Variants in SNRPN observed in about 807,000 individuals in gnomAD.
SNRPN encodes small nuclear ribonucleoprotein-associated protein N.
A neutral mutation model predicts 25.2 loss-of-function variants in SNRPN; 7 were observed. The ratio of observed to expected loss-of-function variants is 0.28; its 90% CI spans 0.16 to 0.52. The LOEUF (loss-of-function observed/expected upper bound fraction) is 0.52. SNRPN is among the 20% of genes least tolerant of loss of function. The pLI is 0.96. For missense variants in SNRPN, 196 were observed against 322.5 expected (o/e 0.61, Z 3.00); for synonymous variants, 124 against 110.6 (o/e 1.12, Z -0.76).
intron 3 of SNRPN, among the ~76,000 whole-genome samples, 185 bp from the exon 4 acceptor site, chr15:24,974,126 G>A (rs547019881): frequency 6.6e-6 from 1 of 152,330 alleles, no homozygotes; most frequent in East Asian, 1.9e-4. Flanking sequence ...TCAGTCCTAA[G>A]TGTGTCAAAT....
chr15:24,833,947 A>G lies in SNRPN; in HGVS notation c.-579+4042A>G, dbSNP rs909210066. On this transcript the variant is annotated intron_variant, in intron 2 of 12. Transcript: ENST00000400100. ...TTTCTTTATTTTATTTTATTTTCAGATGGAGTCTCACTCTGTTGCCCAGGC... is the reference window on the plus strand; with the variant it reads ...TTTCTTTATTTTATTTTATTTTCAGGTGGAGTCTCACTCTGTTGCCCAGGC... 1.1e-4 allele frequency among the ~76,000 whole-genome samples: 16 copies of G among 152,164 alleles called. 1 individual carries two copies. The highest frequency in any genetic ancestry group is 3.9e-4 in the African/African-American group (16 of 41,450).
chr15:24,885,668 G>A (rs1311895959), intron 1 of SNRPN, among the ~76,000 whole-genome samples: 2 of 151,844 alleles, frequency 1.3e-5, no homozygotes, highest in African/African-American at 4.8e-5. Flanking sequence ...CCAGTGGAGA[G>A]AGCAGAGGCT....
intron 2 of SNRPN, among the ~76,000 whole-genome samples, chr15:24,840,823 G>A (rs1338900489): frequency 6.6e-6 from 1 of 152,150 alleles, no homozygotes; most frequent in Non-Finnish European, 1.5e-5. Context: ...AAACTGGGCT[G>A]TTACATTGTG....
intron 1 of SNRPN, among the ~76,000 whole-genome samples, chr15:24,879,014 A>G (rs1328159710): frequency 6.6e-6 from 1 of 151,946 alleles, no homozygotes; most frequent in Non-Finnish European, 1.5e-5. Context: ...TTGAATTTTC[A>G]AAAATATATT....
chr15:24,847,736 T>C (rs2052334530), intron 2 of SNRPN, among the ~76,000 whole-genome samples: 1 of 152,210 alleles, frequency 6.6e-6, no homozygotes, highest in African/African-American at 2.4e-5. Flanking sequence ...ATGCCCACTT[T>C]TCCTGTCATT....
At chr15:24,942,984 C>T (rs2061648158) in intron 3 of SNRPN, among the ~76,000 whole-genome samples, 2 of 151,188 alleles carry the variant, frequency 1.3e-5, no homozygotes, top group South Asian at 2.1e-4. Flanking sequence ...CATAAAAATC[C>T]TCCTCTGCTG....
chr15:24,976,710 T>A (rs778320812), intron 6 of SNRPN, among the ~76,000 whole-genome samples, 167 bp from the exon 7 acceptor site: 30 of 152,368 alleles, frequency 2.0e-4, no homozygotes, highest in Admixed American at 1.1e-3. Flanking sequence ...GTGCATTTTA[T>A]ACACAAGATA....
intron 1 of SNRPN, among the ~76,000 whole-genome samples, chr15:24,869,889 A>C (rs1437684890): frequency 6.6e-6 from 1 of 152,188 alleles, no homozygotes; most frequent in Non-Finnish European, 1.5e-5. Flanking sequence ...AGAACTCTTT[A>C]CTGTATACAG....
chr15:24,955,832 C>T (rs366704), intron 1 of SNRPN, among the ~76,000 whole-genome samples: 1 of 150,804 alleles, frequency 6.6e-6, no homozygotes, highest in South Asian at 2.1e-4. Flanking sequence ...GTAGGCATGG[C>T]GGCGGTGGGC....
intron 1 of SNRPN, among the ~76,000 whole-genome samples, chr15:24,868,376 C>T (rs1435305626): frequency 6.6e-6 from 1 of 152,162 alleles, no homozygotes; most frequent in East Asian, 1.9e-4. Flanking sequence ...CTGCATTCAG[C>T]TCCTTCCCAT....
intron 1 of SNRPN, among the ~76,000 whole-genome samples, chr15:24,874,305 G>A (rs1408149306): frequency 1.3e-5 from 1 of 77,880 alleles, no homozygotes. Flanking sequence ...GTGAGACTCT[G>A]TCTCAAAAAA....
intron 1 of SNRPN, among the ~76,000 whole-genome samples, chr15:24,878,637 T>C (rs1294278726): frequency 1.3e-5 from 2 of 152,256 alleles, no homozygotes; most frequent in African/African-American, 4.8e-5. Context: ...TGAGTTTGCT[T>C]GTTGTTTTCC....
At chr15:24,845,395 C>T (rs1028884863) in intron 2 of SNRPN, among the ~76,000 whole-genome samples, 1 of 152,070 alleles carries the variant, frequency 6.6e-6, no homozygotes, top group Non-Finnish European at 1.5e-5. Flanking sequence ...GTCGGGAGTT[C>T]GAGACCAGCC....
intron 1 of SNRPN, among the ~76,000 whole-genome samples, chr15:24,882,443 A>C (rs541448748): frequency 6.6e-6 from 1 of 152,314 alleles, no homozygotes; most frequent in African/African-American, 2.4e-5. Context: ...ACAGAGACTA[A>C]GAGTGTGTGA....
intron 3 of SNRPN, among the ~76,000 whole-genome samples, chr15:24,944,120 C>G (rs1004863021): frequency 6.6e-6 from 1 of 152,216 alleles, no homozygotes; most frequent in African/African-American, 2.4e-5. Flanking sequence ...CCACACCTGG[C>G]TGCATCATTG....
intron 3 of SNRPN, among the ~76,000 whole-genome samples, chr15:24,934,904 T>C (rs1245509916): frequency 6.6e-6 from 1 of 152,176 alleles, no homozygotes; most frequent in African/African-American, 2.4e-5. Context: ...CAGTTGCTTG[T>C]GCATATTTTG....
intron 1 of SNRPN, among the ~76,000 whole-genome samples, chr15:24,867,531 C>G (rs546350081): frequency 6.6e-6 from 1 of 151,992 alleles, no homozygotes; most frequent in Non-Finnish European, 1.5e-5. Flanking sequence ...CCCGCCACCA[C>G]GCTCAGCTAA....
chr15:24,877,600 G>A (rs2056060016), intron 1 of SNRPN, among the ~76,000 whole-genome samples: 1 of 152,070 alleles, frequency 6.6e-6, no homozygotes, highest in African/African-American at 2.4e-5. Context: ...CAAGGCCGGC[G>A]GATCACCTGA....
intron 1 of SNRPN, among the ~76,000 whole-genome samples, chr15:24,869,590 C>T (rs923056699): frequency 1.3e-5 from 2 of 152,082 alleles, no homozygotes; most frequent in African/African-American, 4.8e-5. Flanking sequence ...ACATTTTTCT[C>T]ATGATTATAC....
Sources: allele counts gnomAD v4.1 joint callset (sites outside exome capture counted in the v4.1 genomes callset), GRCh38; gene constraint gnomAD v4.1.1; transcripts MANE v1.5; gene names NCBI Gene and HGNC (gene_info 2026-07-23, HGNC 2026-07-21).